RALGAPA2: variants seen among roughly 807,000 people sequenced by gnomAD.
RALGAPA2 encodes the protein Ral GTPase activating protein catalytic subunit alpha 2.
In RALGAPA2, 139 loss-of-function variants were observed where a neutral mutation model predicts 230.4. The observed-to-expected ratio is 0.60, with a 90% CI of 0.53 to 0.69. RALGAPA2 has a LOEUF of 0.69. RALGAPA2 is among the 30% of genes least tolerant of loss of function. The pLI, the probability that RALGAPA2 is intolerant of heterozygous loss-of-function variation, is 0.00. For synonymous variants in RALGAPA2, 847 were observed against 837.8 expected (o/e 1.01, Z -0.19); for missense variants, 2,163 against 2,276.0 (o/e 0.95, Z 1.01).
chr20:20,543,864 G>A (rs1174347494), intron 24 of RALGAPA2, among the ~76,000 whole-genome samples: 7 of 150,736 alleles, frequency 4.6e-5, no homozygotes, highest in Non-Finnish European at 8.9e-5. Context: ...ATGTACCCTA[G>A]AACTTAAAGT....
intron 37 of RALGAPA2, among the ~76,000 whole-genome samples, chr20:20,414,539 C>A (rs1203141557): frequency 1.3e-5 from 2 of 152,126 alleles, no homozygotes; most frequent in Non-Finnish European, 2.9e-5. Context: ...GGCAGCCCAC[C>A]GTCCCAATCC....
intron 20 of RALGAPA2, among the ~76,000 whole-genome samples, chr20:20,578,718 A>G (rs1181499455): frequency 1.3e-5 from 2 of 152,192 alleles, no homozygotes; most frequent in Non-Finnish European, 2.9e-5. Context: ...TGAAAACTAA[A>G]CATAAAAAAC....
At chr20:20,566,356 G>T (rs889167327) in intron 23 of RALGAPA2, among the ~76,000 whole-genome samples, 1 of 152,212 alleles carries the variant, frequency 6.6e-6, no homozygotes, top group Non-Finnish European at 1.5e-5. Context: ...TGGATCATAA[G>T]CATACATGGG....
chr20:20,688,799 G>A (rs2068794799), intron 1 of RALGAPA2, among the ~76,000 whole-genome samples: 1 of 152,218 alleles, frequency 6.6e-6, no homozygotes, highest in Non-Finnish European at 1.5e-5. Context: ...AAGCATTCCT[G>A]AAGGTCACAG....
Position 20,692,833 on chromosome 20 carries a change from G to A in RALGAPA2, c.107-12032C>T, listed in dbSNP as rs181281615. On this transcript the variant is annotated intron_variant, in intron 1 of 39. Coordinates refer to ENST00000202677, the MANE Select transcript of RALGAPA2 (RefSeq NM_020343.4). The stretch of plus-strand genomic sequence containing the variant: ...AAGCATCTGGACTGTCAACATCACC[G>A]AACTCATGAATTAGCCAACTCTGGG... Among the ~76,000 whole-genome samples, 8 of 152,258 alleles carry A rather than the reference G, an allele frequency of 5.3e-5. No individual in the cohort carries two copies. The South Asian group carries it at 6.2e-4, about 12-fold the overall frequency.
intron 38 of RALGAPA2, among the ~76,000 whole-genome samples, chr20:20,410,455 C>T (rs1055923628): frequency 6.6e-6 from 1 of 152,134 alleles, no homozygotes. Context: ...CAAAAAACAA[C>T]CTGCACTGAA....
chr20:20,412,080 T>A lies in RALGAPA2; in HGVS notation c.5564A>T (p.Asp1855Val), dbSNP rs753707064. 6.2e-7 allele frequency: 1 copy of A among 1,613,794 alleles called. No homozygotes were observed. Among genetic ancestry groups the A allele is most frequent in the African/African-American group, 1.3e-5 (1 of 74,898 alleles). Residue 1855 changes from aspartate to valine, a missense_variant, in exon 38 of 40, where the codon GAT (aspartate) becomes GTT (valine). Physicochemically the swap from Asp to Val is radical, Grantham distance 152. Transcript: ENST00000202677. ...QNHREVMTFE[D>V]FAAQVFSPSP... ...GGGAGAAAAGACTTGGGCTGCGAAA[T>A]CCTCGAATGTCATTACTTCGCGGTG...
At chr20:20,478,286 G>A (rs73122491) in intron 36 of RALGAPA2, among the ~76,000 whole-genome samples, 284 of 152,236 alleles carry the variant, frequency 1.9e-3, no homozygotes, top group Admixed American at 3.7e-3. Context: ...CGTGTAGAAT[G>A]AAATGCTCAT....
chr20:20,417,640 T>G (rs982743519), intron 37 of RALGAPA2, among the ~76,000 whole-genome samples: 1 of 152,224 alleles, frequency 6.6e-6, no homozygotes, highest in African/African-American at 2.4e-5. Flanking sequence ...CATATGGTTT[T>G]TTGGGACCAT....
At chr20:20,415,215 C>CA (rs1019577106) in intron 37 of RALGAPA2, among the ~76,000 whole-genome samples, 79 of 152,300 alleles carry the variant, frequency 5.2e-4, no homozygotes, top group African/African-American at 1.9e-3. Flanking sequence ...ATAATCTAGA[C>CA]ATCAAAATGC....
chr20:20,645,345 C>T (rs1323464112), intron 4 of RALGAPA2, among the ~76,000 whole-genome samples: 1 of 151,930 alleles, frequency 6.6e-6, no homozygotes, highest in African/African-American at 2.4e-5. Flanking sequence ...AACTCCTGAG[C>T]TCAGGCAATC....
At chr20:20,499,009 T>C (rs1026416715) in intron 35 of RALGAPA2, among the ~76,000 whole-genome samples, 3 of 152,192 alleles carry the variant, frequency 2.0e-5, no homozygotes, top group Non-Finnish European at 4.4e-5. Flanking sequence ...GATTGCAGAA[T>C]TGAAAAAGTC....
intron 1 of RALGAPA2, among the ~76,000 whole-genome samples, chr20:20,695,504 C>T (rs2069076681): frequency 6.6e-6 from 1 of 152,200 alleles, no homozygotes; most frequent in African/African-American, 2.4e-5. Context: ...ATGAGTCAAC[C>T]TTTCCTTGTT....
intron 34 of RALGAPA2, 83 bp from the exon 35 acceptor site, chr20:20,503,589 A>G (rs1457170376): frequency 5.3e-6 from 6 of 1,134,324 alleles, no homozygotes; most frequent in Admixed American, 4.1e-5. Flanking sequence ...TTCAGAAAAA[A>G]AATAAATTAT....
chr20:20,412,924 C>A (rs1361925117), intron 37 of RALGAPA2, among the ~76,000 whole-genome samples: 1 of 152,216 alleles, frequency 6.6e-6, no homozygotes, highest in African/African-American at 2.4e-5. Flanking sequence ...AGCAAATCTT[C>A]CCCTTTTGTG....
chr20:20,710,865 G>C lies in RALGAPA2; in HGVS notation c.106+1510C>G, dbSNP rs966868045. ...CAGAAAAAGGCTCAAAGTATCAAAC[G>C]CTTTAAAACACAGCTCAACTCTCCT... On this transcript the variant is annotated intron_variant, in intron 1 of 39. Coordinates refer to ENST00000202677, the MANE Select transcript of RALGAPA2 (RefSeq NM_020343.4). 2.6e-5 allele frequency among the ~76,000 whole-genome samples: 4 copies of C among 152,272 alleles called. No individual in the cohort carries two copies. In the East Asian group the frequency reaches 7.7e-4, roughly 29 times the overall value.
chr20:20,430,408 G>A (rs1206492880), intron 37 of RALGAPA2, among the ~76,000 whole-genome samples: 4 of 152,156 alleles, frequency 2.6e-5, no homozygotes, highest in Admixed American at 1.3e-4. Flanking sequence ...TATGGGAAAG[G>A]GCCACATCAC....
At chr20:20,602,237 A>T (rs2065676699) in intron 15 of RALGAPA2, among the ~76,000 whole-genome samples, 1 of 152,228 alleles carries the variant, frequency 6.6e-6, no homozygotes, top group African/African-American at 2.4e-5. Flanking sequence ...TGATGTTAGA[A>T]TAGTACTGCA....
At chr20:20,448,831 T>A (rs80313950) in intron 37 of RALGAPA2, among the ~76,000 whole-genome samples, 217 of 151,844 alleles carry the variant, frequency 1.4e-3, no homozygotes, top group African/African-American at 5.0e-3. Flanking sequence ...GTGATTTACT[T>A]ACTCAAAAAG....
Sources: allele counts gnomAD v4.1 joint callset (sites outside exome capture counted in the v4.1 genomes callset), GRCh38; gene constraint gnomAD v4.1.1; transcripts MANE v1.5; gene names NCBI Gene and HGNC (gene_info 2026-07-23, HGNC 2026-07-21).